The following PLCB4 variants were observed in gnomAD, a reference collection of about 807,000 sequenced individuals.
PLCB4 encodes phospholipase C beta 4, also known as 1-phosphatidylinositol 4,5-bisphosphate phosphodiesterase beta-4.
PLCB4 carries 77 observed loss-of-function variants against 178.8 expected under a neutral mutation model. The ratio of observed to expected loss-of-function variants is 0.43; its 90% confidence interval spans 0.36 to 0.52. PLCB4 has a LOEUF of 0.52. Among genes scored for constraint, PLCB4 ranks in the 20% least tolerant of loss-of-function variants. PLCB4 has a pLI of 0.00. For synonymous variants in PLCB4, 496 were observed against 490.8 expected, an observed-to-expected ratio of 1.01 and a Z score of -0.14; for missense variants, 1,024 against 1,453.4, an observed-to-expected ratio of 0.70 and a Z score of 4.80.
At chr20:9,083,453 T>G (rs1600277528) in intron 1 of PLCB4, among the ~76,000 whole-genome samples, 1 of 150,776 alleles carries the variant, frequency 6.6e-6, no homozygotes, top group East Asian at 2.0e-4. Context: ...AGCCAATTCT[T>G]TGATATTTTT....
At chr20:9,074,991 G>A (rs2089779106) in intron 1 of PLCB4, among the ~76,000 whole-genome samples, 1 of 151,966 alleles carries the variant, frequency 6.6e-6, no homozygotes, top group Non-Finnish European at 1.5e-5. Flanking sequence ...GCTTTACATA[G>A]TATTATAATA....
intron 2 of PLCB4, among the ~76,000 whole-genome samples, chr20:9,096,801 T>C (rs575219232): frequency 6.6e-6 from 1 of 152,312 alleles, no homozygotes; most frequent in South Asian, 2.1e-4. Context: ...ATTTGCTGCA[T>C]ACTTTGTCAG....
intron 7 of PLCB4, among the ~76,000 whole-genome samples, chr20:9,344,733 G>A (rs1405363644): frequency 2.0e-5 from 3 of 152,158 alleles, no homozygotes; most frequent in Non-Finnish European, 4.4e-5. Context: ...CACATTTCAG[G>A]ATGTAATAGC....
chr20:9,124,652 T>C lies in PLCB4; in HGVS notation c.-79+28310T>C, dbSNP rs143177088. Among the ~76,000 whole-genome samples, 24 of 152,234 alleles carry C rather than the reference T, an allele frequency of 1.6e-4. No homozygotes were observed. The East Asian group carries it at 4.1e-3, about 26-fold the overall frequency. On this transcript the variant is annotated intron_variant, in intron 2 of 39. Coordinates refer to ENST00000378473, the MANE Select transcript of PLCB4 (RefSeq NM_001377142.1). ...TATTTAAGAAACAAGCAACAAGCAA[T>C]GATAAGAGAAAAAAGGCAGAGAATT...
intron 2 of PLCB4, among the ~76,000 whole-genome samples, chr20:9,193,981 T>G (rs2093436329): frequency 6.6e-6 from 1 of 152,120 alleles, no homozygotes; most frequent in Admixed American, 6.5e-5. Context: ...TGGGATATAG[T>G]GTCTTTAAGC....
chr20:9,407,862 TC>T (rs766850438), intron 21 of PLCB4, 54 bp from the exon 22 acceptor site: 1 of 1,492,096 alleles, frequency 6.7e-7, no homozygotes, highest in Non-Finnish European at 9.1e-7. Flanking sequence ...GCAGCACGTA[TC>T]CGTGGGTCCT....
At chr20:9,249,442 G>C (rs143160091) in intron 3 of PLCB4, among the ~76,000 whole-genome samples, 1 of 152,082 alleles carries the variant, frequency 6.6e-6, no homozygotes, top group Non-Finnish European at 1.5e-5. Flanking sequence ...CAAGTAGCTG[G>C]GACATCAGGT....
At chr20:9,407,218 C>T (rs2039508386) in intron 21 of PLCB4, among the ~76,000 whole-genome samples, 1 of 152,106 alleles carries the variant, frequency 6.6e-6, no homozygotes, top group African/African-American at 2.4e-5. Flanking sequence ...GAGTGTGGGG[C>T]CCAGGAATCT....
intron 3 of PLCB4, among the ~76,000 whole-genome samples, chr20:9,289,029 A>G (rs546676669): frequency 6.6e-4 from 100 of 152,212 alleles, no homozygotes; most frequent in Non-Finnish European, 1.1e-3. Flanking sequence ...TAATTTAGTG[A>G]CAGTAGATAT....
At chr20:9,317,724 G>A (rs2094914430) in intron 4 of PLCB4, among the ~76,000 whole-genome samples, 1 of 152,180 alleles carries the variant, frequency 6.6e-6, no homozygotes, top group Admixed American at 6.5e-5. Flanking sequence ...AAAAATATGG[G>A]CAATTAAATT....
At chr20:9,405,467 A>G (rs2148486652) in intron 21 of PLCB4, 119 bp downstream of exon 21, 1 of 581,318 alleles carries the variant, frequency 1.7e-6, no homozygotes, top group East Asian at 3.1e-5. Flanking sequence ...TCACAAAACT[A>G]GGGCAGATGA....
At chr20:9,178,004 A>G (rs868470915) in intron 2 of PLCB4, among the ~76,000 whole-genome samples, 44 of 152,358 alleles carry the variant, frequency 2.9e-4, no homozygotes, top group African/African-American at 8.9e-4. Context: ...ACATATTTGT[A>G]TCATCAGTTG....
chr20:9,206,136 C>T (rs1032079138), intron 2 of PLCB4, among the ~76,000 whole-genome samples: 1 of 152,004 alleles, frequency 6.6e-6, no homozygotes, highest in Non-Finnish European at 1.5e-5. Context: ...TTTCATGGAA[C>T]TTTAGGTATT....
intron 36 of PLCB4, among the ~76,000 whole-genome samples, chr20:9,469,558 A>G (rs2044038358): frequency 6.6e-6 from 1 of 152,210 alleles, no homozygotes; most frequent in African/African-American, 2.4e-5. Flanking sequence ...ACCTTCAGAG[A>G]AAGGGAGTGA....
chr20:9,477,297 T>G (rs2044610622), intron 39 of PLCB4, among the ~76,000 whole-genome samples: 1 of 152,162 alleles, frequency 6.6e-6, no homozygotes, highest in Non-Finnish European at 1.5e-5. Context: ...ACCAGGATAG[T>G]TTTGAGAGTG....
intron 4 of PLCB4, among the ~76,000 whole-genome samples, chr20:9,333,155 A>G (rs1370330181): frequency 6.6e-6 from 1 of 152,156 alleles, no homozygotes; most frequent in African/African-American, 2.4e-5. Flanking sequence ...ATTTAAAAAA[A>G]TTCATTTTTT....
chr20:9,213,443 C>T (rs1042073693), intron 2 of PLCB4, among the ~76,000 whole-genome samples: 3 of 152,130 alleles, frequency 2.0e-5, no homozygotes, highest in African/African-American at 7.2e-5. Context: ...ACATGCCCAG[C>T]CAGCGTAATG....
chr20:9,410,958 C>A (rs1476228093), intron 24 of PLCB4, 79 bp from the exon 25 acceptor site: 2 of 963,668 alleles, frequency 2.1e-6, no homozygotes, highest in Admixed American at 3.5e-5. Context: ...CAATCTGATA[C>A]CTATTGTTTC....
intron 2 of PLCB4, among the ~76,000 whole-genome samples, chr20:9,210,708 A>G (rs1361653814): frequency 6.6e-6 from 1 of 152,198 alleles, no homozygotes; most frequent in Non-Finnish European, 1.5e-5. Context: ...AAAGATCACC[A>G]TGGATTCATA....
Sources: gnomAD v4.1 joint callset for allele counts (sites outside exome capture counted in the v4.1 genomes callset) on GRCh38, gnomAD v4.1.1 for gene constraint, MANE v1.5 for transcripts, NCBI Gene and HGNC (gene_info 2026-07-23, HGNC 2026-07-21) for gene names.